Variants in PRPSAP1 observed in about 807,000 individuals in gnomAD.
PRPSAP1 encodes the protein phosphoribosyl pyrophosphate synthase-associated protein 1.
In PRPSAP1, 31 loss-of-function variants were observed where a neutral mutation model predicts 39.4. The ratio of observed to expected loss-of-function variants is 0.79; its 90% CI spans 0.59 to 1.06. The LOEUF (loss-of-function observed/expected upper bound fraction) is 1.06. Ranked by LOEUF, PRPSAP1 falls within the 50% of genes least tolerant of loss-of-function variation. The probability of loss-of-function intolerance (pLI) is 0.00; values close to 1 mark genes in which losing one functional copy is unlikely to be tolerated. For synonymous variants in PRPSAP1, 212 were observed against 192.6 expected, an observed-to-expected ratio of 1.10 and a Z score of -0.83; for missense variants, 430 against 511.6, an observed-to-expected ratio of 0.84 and a Z score of 1.54.
chr17:76,316,841 A>T (rs1200430773), intron 7 of PRPSAP1, among the ~76,000 whole-genome samples: 1 of 152,208 alleles, frequency 6.6e-6, no homozygotes, highest in Non-Finnish European at 1.5e-5. Context: ...AAGTAAAATA[A>T]AGCTGCACTG....
intron 3 of PRPSAP1, among the ~76,000 whole-genome samples, chr17:76,343,048 G>A (rs953229564): frequency 6.6e-6 from 1 of 152,234 alleles, no homozygotes; most frequent in African/African-American, 2.4e-5. Flanking sequence ...CTGCACTCCA[G>A]CCTGGGCAAC....
intron 7 of PRPSAP1, among the ~76,000 whole-genome samples, chr17:76,318,230 A>T (rs2071145647): frequency 6.6e-6 from 1 of 152,132 alleles, no homozygotes; most frequent in Admixed American, 6.6e-5. Flanking sequence ...TGGGTGGATC[A>T]CGAGGTCAGG....
chr17:76,322,912 T>G (rs1235995361), intron 7 of PRPSAP1, among the ~76,000 whole-genome samples: 7 of 152,038 alleles, frequency 4.6e-5, no homozygotes, highest in Admixed American at 2.0e-4. Flanking sequence ...GAGGATCACC[T>G]GAGCCCAGGT....
In PRPSAP1 at chr17:76,348,509, AAG is replaced by A; in HGVS notation, c.223+18_223+19del. 1 of 1,383,524 alleles carries A rather than the reference AAG, an allele frequency of 7.2e-7. No individual in the cohort carries two copies. The highest frequency in any genetic ancestry group is 9.4e-7 in the Non-Finnish European group (1 of 1,060,326). 85.7% of individuals were successfully genotyped at this position (1,383,524 alleles called of 1,614,324 possible). A position where few individuals can be genotyped will look rare whatever the true frequency, so the allele number is the denominator to read the frequency against. ...ATAAATAAAAAATAATTTTAAAAAAAAGAAATAATTTTAACTTACCTCCATTG... is the reference window on the plus strand; with the variant it reads ...ATAAATAAAAAATAATTTTAAAAAAAAAATAATTTTAACTTACCTCCATTG... On this transcript the variant is annotated intron_variant, in intron 2 of 9. Coordinates refer to ENST00000446526, the MANE Select transcript of PRPSAP1 (RefSeq NM_002766.3).
chr17:76,351,100 A>T (rs1037260319), intron 1 of PRPSAP1, among the ~76,000 whole-genome samples: 2 of 152,206 alleles, frequency 1.3e-5, no homozygotes, highest in East Asian at 1.9e-4. Context: ...AACAATTTTT[A>T]AAAATACTCC....
At chr17:76,329,276 G>C (rs909718027) in intron 6 of PRPSAP1, among the ~76,000 whole-genome samples, 2 of 152,064 alleles carry the variant, frequency 1.3e-5, no homozygotes, top group African/African-American at 4.8e-5. Flanking sequence ...TGTTGCCCAG[G>C]CTGGTCTTGA....
chr17:76,337,605 T>C (rs2071393749), intron 3 of PRPSAP1, among the ~76,000 whole-genome samples: 1 of 152,134 alleles, frequency 6.6e-6, no homozygotes, highest in African/African-American at 2.4e-5. Context: ...TGGGAATTTT[T>C]TGTTGTTGTT....
At chr17:76,317,442 T>G (rs772453307) in intron 7 of PRPSAP1, among the ~76,000 whole-genome samples, 1 of 152,146 alleles carries the variant, frequency 6.6e-6, no homozygotes, top group African/African-American at 2.4e-5. Flanking sequence ...GAGAATTGCT[T>G]GAACCCGGGA....
At chr17:76,323,621 C>T (rs1016461203) in intron 7 of PRPSAP1, among the ~76,000 whole-genome samples, 4 of 151,984 alleles carry the variant, frequency 2.6e-5, no homozygotes, top group Admixed American at 2.0e-4. Context: ...AGAATTAGAA[C>T]TGGAACCTGA....
chr17:76,313,439 T>C lies in PRPSAP1; in HGVS notation c.852+382A>G, dbSNP rs886347906. On this transcript the variant is annotated intron_variant, in intron 8 of 9. Transcript: ENST00000446526. The stretch of plus-strand genomic sequence containing the variant: ...ATTTAGAGCTGGGAAAAAAAGTATG[T>C]CAACATGCAGAACGAGTCTGCACGG... 3 of 250,244 alleles carry C rather than the reference T, an allele frequency of 1.2e-5. No homozygotes were observed. The Admixed American group carries it at 1.5e-4, about 12-fold the overall frequency. The allele number at this position is 250,244 out of a possible 1,614,324, so 15.5% of individuals were successfully genotyped here.
upstream of PRPSAP1, chr17:76,354,031 G>A (rs1431355114): frequency 3.5e-6 from 4 of 1,129,878 alleles, no homozygotes; most frequent in African/African-American, 4.9e-5. Context: ...TCTTCCGAGG[G>A]GCATGTCACA....
intron 7 of PRPSAP1, chr17:76,319,510 C>G (rs2071163377): frequency 1.3e-5 from 2 of 151,822 alleles, no homozygotes; most frequent in Admixed American, 1.3e-4. Flanking sequence ...GCTCTGTCAC[C>G]CACGCTGGAA....
At chr17:76,344,641 G>T in intron 3 of PRPSAP1, 30 bp downstream of exon 3, 1 of 1,454,496 alleles carries the variant, frequency 6.9e-7, no homozygotes, top group Non-Finnish European at 9.5e-7. Flanking sequence ...GGTTTTTACA[G>T]AAAAGAGATA....
At chr17:76,313,309 A>G in intron 8 of PRPSAP1, 1 of 309,504 alleles carries the variant, frequency 3.2e-6, no homozygotes. Flanking sequence ...AATCCCACAT[A>G]GCCAGCGTTC....
At chr17:76,326,403 A>T (rs948410019) in intron 7 of PRPSAP1, among the ~76,000 whole-genome samples, 5 of 152,188 alleles carry the variant, frequency 3.3e-5, no homozygotes, top group Admixed American at 6.5e-5. Context: ...AAAGAGGAAA[A>T]AAAAAAGAGT....
intron 3 of PRPSAP1, among the ~76,000 whole-genome samples, chr17:76,338,463 G>A (rs1351980171): frequency 6.6e-6 from 1 of 152,144 alleles, no homozygotes; most frequent in Admixed American, 6.6e-5. Flanking sequence ...AACATTCTGG[G>A]AGGCTGAGGC....
chr17:76,318,567 A>G (rs896918401), intron 7 of PRPSAP1, among the ~76,000 whole-genome samples: 6 of 152,196 alleles, frequency 3.9e-5, no homozygotes, highest in African/African-American at 1.4e-4. Context: ...TTCTTTACCA[A>G]CCAACGAACC....
chr17:76,347,919 G>T (rs1469200421), intron 2 of PRPSAP1, among the ~76,000 whole-genome samples: 1 of 152,196 alleles, frequency 6.6e-6, no homozygotes, highest in Non-Finnish European at 1.5e-5. Flanking sequence ...TAAAGGGGTA[G>T]AATCTGGATT....
intron 7 of PRPSAP1, among the ~76,000 whole-genome samples, chr17:76,319,978 A>G (rs183529718): frequency 6.6e-6 from 1 of 151,994 alleles, no homozygotes; most frequent in Non-Finnish European, 1.5e-5. Flanking sequence ...TGAGCATTAA[A>G]ATAAATGTAG....
Sources: gnomAD v4.1 joint callset for allele counts (sites outside exome capture counted in the v4.1 genomes callset) on GRCh38, gnomAD v4.1.1 for gene constraint, MANE v1.5 for transcripts, NCBI Gene and HGNC (gene_info 2026-07-23, HGNC 2026-07-21) for gene names.